Variants in PTPRF observed in about 807,000 individuals in gnomAD.
PTPRF encodes protein tyrosine phosphatase receptor type F, also known as receptor-type tyrosine-protein phosphatase F.
Under a neutral mutation model 201.8 loss-of-function variants are expected in PTPRF, and 59 were observed. The ratio of observed to expected loss-of-function variants is 0.29; its 90% CI spans 0.24 to 0.36. The LOEUF (loss-of-function observed/expected upper bound fraction) is 0.36, where lower values mean the gene tolerates loss of function less well. PTPRF is among the 10% of genes least tolerant of loss of function. The probability of loss-of-function intolerance (pLI) is 1.00; values close to 1 mark genes in which losing one functional copy is unlikely to be tolerated. For missense variants in PTPRF, 2,132 were observed against 2,690.5 expected, an observed-to-expected ratio of 0.79 and a Z score of 4.59; for synonymous variants, 1,088 against 1,089.7, an observed-to-expected ratio of 1.00 and a Z score of 0.03.
At chr1:43,526,633 A>G (rs910046348), upstream of PTPRF, among the ~76,000 whole-genome samples, 4 of 152,218 alleles carry the variant, frequency 2.6e-5, 1 homozygote, top group South Asian at 8.3e-4. Context: ...GGGAACAGGC[A>G]TTCTCCATCC....
intron 5 of PTPRF, among the ~76,000 whole-genome samples, chr1:43,568,787 A>C (rs961514825): frequency 1.8e-4 from 27 of 151,672 alleles, no homozygotes; most frequent in African/African-American, 6.3e-4. Flanking sequence ...TATGCTAGTG[A>C]CTCCTCTGTG....
chr1:43,546,718 G>A lies in PTPRF; in HGVS notation c.91+1552G>A, dbSNP rs546720387. Among the ~76,000 whole-genome samples, 61 of 152,046 alleles carry A rather than the reference G, an allele frequency of 4.0e-4. No homozygotes were observed. Among genetic ancestry groups the A allele is most frequent in the African/African-American group, 1.4e-3 (57 of 41,462 alleles). ...CCTCAGACCCAACGCGCCCCAACCT[G>A]TACCCCTCACTCTCATCCCCCAGCC... is the stretch of plus-strand genomic sequence containing the variant. On this transcript the variant is annotated intron_variant, in intron 3 of 33. Coordinates refer to ENST00000359947, the MANE Select transcript of PTPRF (RefSeq NM_002840.5). This position sits in a 1 kb window ranked among gnomAD's most constrained non-coding sequence, Gnocchi z 4.2.
rs1382248110 is a variant in PTPRF, at chr1:43,604,117, C to T, written c.2965C>T (p.Arg989Cys). The change falls in exon 16 of 34, where the codon CGC becomes TGC. Residue 989 changes from arginine to cysteine, a missense_variant. Physicochemically the swap from Arg to Cys is radical, Grantham distance 180. Around this residue, in one of 6 missense-constraint regions of PTPRF, gnomAD observed 818 missense variants for 915.3 expected, o/e 0.89. Coordinates refer to ENST00000359947, the MANE Select transcript of PTPRF (RefSeq NM_002840.5). Reference protein sequence around the residue: ...KPDTTYDIKVRAWTSKGSGPL... With the variant: ...KPDTTYDIKVCAWTSKGSGPL... ...AGACACCACTTACGACATCAAGGTCCGCGCATGGACCAGCAAAGGCTCTGG... is the reference window on the plus strand; with the variant it reads ...AGACACCACTTACGACATCAAGGTCTGCGCATGGACCAGCAAAGGCTCTGG... The T allele has an allele frequency of 3.7e-6, 6 of 1,614,218 alleles. No homozygotes were observed. The highest frequency in any genetic ancestry group is 5.1e-6 in the Non-Finnish European group (6 of 1,180,058).
intron 2 of PTPRF, among the ~76,000 whole-genome samples, chr1:43,544,474 G>A (rs1427678071): frequency 1.3e-5 from 2 of 152,284 alleles, no homozygotes; most frequent in Admixed American, 6.5e-5. Flanking sequence ...TGTGTTCAGG[G>A]GCCTGTGCTC....
chr1:43,553,195 C>T lies in PTPRF; in HGVS notation c.92-297C>T, dbSNP rs369881226. On this transcript the variant is annotated intron_variant, in intron 3 of 33. Coordinates refer to ENST00000359947, the MANE Select transcript of PTPRF (RefSeq NM_002840.5). This position sits in a 1 kb window ranked among gnomAD's most constrained non-coding sequence, Gnocchi z 4.1. ...TAGTGTGAACTCCAGACTTGGAACA[C>T]CTGGGTTCAGATCTTAGCTCTACCA... Among the ~76,000 whole-genome samples the T allele has an allele frequency of 6.6e-6, 1 of 152,162 alleles. No homozygotes were observed. The highest frequency in any genetic ancestry group is 1.9e-4 in the East Asian group (1 of 5,190).
chr1:43,600,840 C>T (rs1239120595), intron 13 of PTPRF, among the ~76,000 whole-genome samples: 1 of 152,048 alleles, frequency 6.6e-6, no homozygotes, highest in Admixed American at 6.5e-5. Context: ...CCTCTGACCC[C>T]TTTCCTTCAT....
chr1:43,525,710 C>T (rs1466650795), upstream of PTPRF, among the ~76,000 whole-genome samples: 2 of 138,834 alleles, frequency 1.4e-5, no homozygotes, highest in African/African-American at 5.4e-5. Context: ...AAGGGTGAAG[C>T]AGAAGAATCG....
At chr1:43,568,546 A>G (rs1207909249) in intron 5 of PTPRF, among the ~76,000 whole-genome samples, 3 of 152,206 alleles carry the variant, frequency 2.0e-5, no homozygotes, top group Admixed American at 6.5e-5. Context: ...GGGCACTTGA[A>G]CCCTGTGTAC....
chr1:43,617,324 GCTGTGGC>G (rs1658109605), intron 23 of PTPRF, 114 bp from the exon 24 acceptor site: 1 of 1,410,118 alleles, frequency 7.1e-7, no homozygotes, highest in Admixed American at 1.9e-5. Flanking sequence ...AGAGGGCCTG[GCTGTGGC>G]CTGTGGAGTG....
At chr1:43,614,074 A>G (rs917639183) in intron 23 of PTPRF, among the ~76,000 whole-genome samples, 1 of 152,256 alleles carries the variant, frequency 6.6e-6, no homozygotes, top group Admixed American at 6.5e-5. Flanking sequence ...GCTGGCATCT[A>G]TCAAGAGCAT....
intron 7 of PTPRF, among the ~76,000 whole-genome samples, chr1:43,580,608 C>A (rs538703904): frequency 1.8e-4 from 27 of 152,342 alleles, no homozygotes; most frequent in Admixed American, 1.1e-3. Context: ...TTGTAAGCGG[C>A]ACAGCCTTGG....
chr1:43,600,205 G>T (rs1267806509), intron 13 of PTPRF, among the ~76,000 whole-genome samples: 3 of 152,150 alleles, frequency 2.0e-5, no homozygotes, highest in African/African-American at 7.2e-5. Context: ...GAGCCTCAGT[G>T]AACACACCTA....
intron 5 of PTPRF, among the ~76,000 whole-genome samples, chr1:43,557,963 G>GCCCCCTGCCCCGCCTCACCCCA: frequency 6.6e-6 from 1 of 152,102 alleles, no homozygotes; most frequent in Non-Finnish European, 1.5e-5. Flanking sequence ...GTGAACACCC[G>GCCCCCTGCCCCGCCTCACCCCA]CCCCCTGCCC....
At chr1:43,616,612 C>T (rs1456620649) in intron 23 of PTPRF, among the ~76,000 whole-genome samples, 1 of 151,848 alleles carries the variant, frequency 6.6e-6, no homozygotes, top group Admixed American at 6.6e-5. Context: ...AGCTTGACTT[C>T]TAGGTTCTGG....
At chr1:43,564,911 T>G (rs1035963643) in intron 5 of PTPRF, among the ~76,000 whole-genome samples, 1 of 152,022 alleles carries the variant, frequency 6.6e-6, no homozygotes, top group Non-Finnish European at 1.5e-5. Flanking sequence ...CCCTCAGGCG[T>G]CCAAGGCTGA....
chr1:43,552,368 A>C lies in PTPRF; in HGVS notation c.92-1124A>C, dbSNP rs547838112. 1.3e-3 allele frequency among the ~76,000 whole-genome samples: 201 copies of C among 152,256 alleles called. 1 individual carries two copies. The highest frequency in any genetic ancestry group is 4.6e-3 in the African/African-American group (190 of 41,536). Reference sequence around the variant, plus strand: ...AATTCAGGTCCCAGATGTGCCCCTCACTGGCATGTGATCTTGGACAAGTGA... The same window carrying C: ...AATTCAGGTCCCAGATGTGCCCCTCCCTGGCATGTGATCTTGGACAAGTGA... On this transcript the variant is annotated intron_variant, in intron 3 of 33. Coordinates refer to ENST00000359947, the MANE Select transcript of PTPRF (RefSeq NM_002840.5).
At chr1:43,598,642 A>G (rs1652978264) in intron 12 of PTPRF, 78 bp from the exon 13 acceptor site, 1 of 1,336,444 alleles carries the variant, frequency 7.5e-7, no homozygotes, top group African/African-American at 1.4e-5. Context: ...CTGAGGCAGG[A>G]CCCTCAAGTT....
chr1:43,549,807 G>C (rs1482857105), intron 3 of PTPRF, among the ~76,000 whole-genome samples: 1 of 151,844 alleles, frequency 6.6e-6, no homozygotes, highest in African/African-American at 2.4e-5. Context: ...GTTACAGTGA[G>C]CTGAGATTGT....
upstream of PTPRF, among the ~76,000 whole-genome samples, chr1:43,529,500 G>C (rs879802391): frequency 9.8e-5 from 15 of 152,306 alleles, no homozygotes; most frequent in Admixed American, 9.8e-4. Context: ...CAAACTTACA[G>C]GGTTATCAGA....
Sources: gnomAD v4.1 joint callset for allele counts (sites outside exome capture counted in the v4.1 genomes callset) on GRCh38, gnomAD v4.1.1 for gene constraint, gnomAD v4.1.1 regional missense constraint, Gnocchi (gnomAD v3.1) non-coding constraint, MANE v1.5 for transcripts, NCBI Gene and HGNC (gene_info 2026-07-23, HGNC 2026-07-21) for gene names.